The following VRK1 variants were observed in gnomAD, a reference collection of about 807,000 sequenced individuals.
VRK1 encodes VRK serine/threonine kinase 1.
A neutral mutation model predicts 57.1 loss-of-function variants in VRK1; 33 were observed. That is an observed-to-expected ratio of 0.58 (90% CI 0.44 to 0.77). The LOEUF (loss-of-function observed/expected upper bound fraction) is 0.77, where lower values mean the gene tolerates loss of function less well. Ranked by LOEUF, VRK1 falls within the 30% of genes least tolerant of loss-of-function variation. The pLI is 0.00. For synonymous variants in VRK1, 137 were observed against 147.8 expected (o/e 0.93, Z 0.53); for missense variants, 413 against 477.3 (o/e 0.87, Z 1.25).
At chr14:96,868,968 C>T (rs6575601) in intron 11 of VRK1, among the ~76,000 whole-genome samples, 147,675 of 152,158 alleles carry the variant, frequency 0.97, 71,806 homozygotes, top group East Asian at 1. Context: ...GCTAATTTTG[C>T]ATTTTTAGTA....
At chr14:96,859,510 A>G (rs1226821007) in intron 10 of VRK1, among the ~76,000 whole-genome samples, 1 of 152,262 alleles carries the variant, frequency 6.6e-6, no homozygotes, top group East Asian at 1.9e-4. Flanking sequence ...GGTTTTTTGT[A>G]CATCTCCTTT....
chr14:96,842,394 TA>T (rs1887498699), intron 3 of VRK1, among the ~76,000 whole-genome samples: 1 of 152,214 alleles, frequency 6.6e-6, no homozygotes, highest in Admixed American at 6.5e-5. Context: ...ATTTGTCATT[TA>T]AAACATTATG....
chr14:96,854,958 C>T (rs1036283737), intron 7 of VRK1, among the ~76,000 whole-genome samples: 1 of 149,022 alleles, frequency 6.7e-6, no homozygotes, highest in Non-Finnish European at 1.5e-5. Flanking sequence ...ACAAGTATAA[C>T]ATATACTTAT....
chr14:96,807,625 T>A (rs780775916), intron 1 of VRK1, among the ~76,000 whole-genome samples: 2 of 152,232 alleles, frequency 1.3e-5, no homozygotes, highest in Non-Finnish European at 2.9e-5. Context: ...ATTTTATTAA[T>A]ATTAGCTATA....
intron 11 of VRK1, among the ~76,000 whole-genome samples, chr14:96,866,552 T>G (rs1404210509): frequency 6.6e-6 from 1 of 152,192 alleles, no homozygotes; most frequent in Non-Finnish European, 1.5e-5. Context: ...ATTTTGATTA[T>G]TCTGCCGTCT....
intron 1 of VRK1, among the ~76,000 whole-genome samples, chr14:96,814,038 G>A (rs1395809226): frequency 6.6e-6 from 1 of 151,846 alleles, no homozygotes; most frequent in Non-Finnish European, 1.5e-5. Context: ...AATATTGATG[G>A]TATTAATTGT....
At chr14:96,850,273 C>T (rs1414191744) in intron 5 of VRK1, among the ~76,000 whole-genome samples, 2 of 152,098 alleles carry the variant, frequency 1.3e-5, no homozygotes, top group African/African-American at 4.8e-5. Context: ...CCTTGTAACT[C>T]ATTTGAATTA....
chr14:96,877,376 G>A, intron 12 of VRK1: 1 of 534,726 alleles, frequency 1.9e-6, no homozygotes, highest in South Asian at 1.8e-5. Context: ...ACCTGAAGAG[G>A]GAATATATAA....
chr14:96,867,454 CAA>C (rs919332451), intron 11 of VRK1, among the ~76,000 whole-genome samples: 10 of 111,302 alleles, frequency 9.0e-5, no homozygotes, highest in Non-Finnish European at 1.3e-4. Context: ...TATCTGTGCA[CAA>C]GTGTGTGTGT....
rs541660707 is a variant in VRK1, at chr14:96,856,579, C to G, written c.882C>G (p.Asn294Lys). The stretch of plus-strand genomic sequence containing the variant: ...TGGACAAATGTTTTCCTGAGAAAAA[C>G]AAACCAGGTAGGAAATGACTTCTTC... ...SLMDKCFPEKNKPGEIAKYME... is the reference protein window; with the variant it reads ...SLMDKCFPEKKKPGEIAKYME... Residue 294 changes from asparagine (N) to lysine (K), a missense_variant, in exon 10 of 13, where the codon AAC becomes AAG. Coordinates refer to ENST00000216639, the MANE Select transcript of VRK1 (RefSeq NM_003384.3). 80 of 1,613,160 alleles carry G rather than the reference C, an allele frequency of 5.0e-5. No homozygotes were observed. The highest frequency in any genetic ancestry group is 6.4e-5 in the Non-Finnish European group (75 of 1,179,392).
chr14:96,856,160 T>A lies in VRK1; in HGVS notation c.740T>A (p.Leu247His), dbSNP rs1478722226. ...APSRRGDLEILGYCMIQWLTG... is the reference protein window; with the variant it reads ...APSRRGDLEIHGYCMIQWLTG... ...TCAAGACGTGGTGATTTGGAAATAC[T>A]TGGTTATTGCATGATCCAATGGCTT... Residue 247 changes from leucine to histidine, a missense_variant, in exon 9 of 13, where the codon CTT becomes CAT. Around this residue, in one of 3 missense-constraint regions of VRK1, gnomAD observed 151 missense variants for 225.5 expected, o/e 0.67. Transcript: ENST00000216639. 1.9e-6 allele frequency: 3 copies of A among 1,613,804 alleles called. No homozygotes were observed. Among genetic ancestry groups the A allele is most frequent in the Non-Finnish European group, 2.5e-6 (3 of 1,179,808 alleles).
At chr14:96,802,904 CTG>C (rs1396656142) in intron 1 of VRK1, among the ~76,000 whole-genome samples, 1 of 152,146 alleles carries the variant, frequency 6.6e-6, no homozygotes, top group Non-Finnish European at 1.5e-5. Context: ...TCTTTTGTGA[CTG>C]TAAGTTTTAA....
chr14:96,857,625 G>A (rs1888217586), intron 10 of VRK1, among the ~76,000 whole-genome samples: 1 of 152,186 alleles, frequency 6.6e-6, no homozygotes, highest in Admixed American at 6.5e-5. Context: ...CAGAAAGCAG[G>A]TTAAGAGGCC....
chr14:96,881,011 A>C (rs1163980303), intron 12 of VRK1, among the ~76,000 whole-genome samples, 166 bp from the exon 13 acceptor site: 1 of 152,192 alleles, frequency 6.6e-6, no homozygotes, highest in Non-Finnish European at 1.5e-5. Flanking sequence ...AGATTTTCAG[A>C]GTATTAGCAA....
chr14:96,824,717 C>T (rs1353412492), intron 1 of VRK1, among the ~76,000 whole-genome samples: 6 of 150,366 alleles, frequency 4.0e-5, no homozygotes, highest in Non-Finnish European at 5.9e-5. Context: ...GCAGTGGCGC[C>T]GTCTCGGCTC....
intron 3 of VRK1, among the ~76,000 whole-genome samples, chr14:96,840,173 C>G (rs184410276): frequency 1.3e-5 from 2 of 152,252 alleles, no homozygotes; most frequent in East Asian, 3.9e-4. Flanking sequence ...AGGCTTAAGT[C>G]TCCTCCATTT....
In VRK1 at chr14:96,797,436, C is replaced by G. The variant is rs1401217226; in HGVS notation, c.-17C>G. 1 of 152,122 alleles carries G rather than the reference C, an allele frequency of 6.6e-6. No homozygotes were observed. The highest frequency in any genetic ancestry group is 1.5e-5 in the Non-Finnish European group (1 of 68,024). The allele number at this position is 152,122 out of a possible 1,614,324, so 9.4% of individuals were successfully genotyped here. ...TCGTACTGGGCAGAACGCGACGGGT[C>G]TGCGGCTTAGGGTAGGGAGGCCGCA... is the stretch of plus-strand genomic sequence containing the variant. On this transcript the variant is annotated 5_prime_UTR_variant, in exon 1 of 13. Coordinates refer to ENST00000216639, the MANE Select transcript of VRK1 (RefSeq NM_003384.3).
At chr14:96,858,935 T>C (rs759883509) in intron 10 of VRK1, 2 of 152,230 alleles carry the variant, frequency 1.3e-5, no homozygotes, top group Non-Finnish European at 2.9e-5. Context: ...ACCTCCAAGT[T>C]TGCTGGAACC....
chr14:96,872,084 C>T (rs550691376), intron 11 of VRK1, among the ~76,000 whole-genome samples: 3 of 152,180 alleles, frequency 2.0e-5, no homozygotes, highest in Non-Finnish European at 4.4e-5. Flanking sequence ...GGATTGTAGG[C>T]GTGAGCTACT....
Sources: allele counts gnomAD v4.1 joint callset (sites outside exome capture counted in the v4.1 genomes callset), GRCh38; gene constraint gnomAD v4.1.1; regional missense constraint gnomAD v4.1.1; transcripts MANE v1.5; gene names NCBI Gene and HGNC (gene_info 2026-07-23, HGNC 2026-07-21).